The following CSF1R variants were observed in gnomAD, a reference collection of about 807,000 sequenced individuals.
CSF1R encodes colony stimulating factor 1 receptor, also known as macrophage colony-stimulating factor 1 receptor.
CSF1R carries 40 observed loss-of-function variants against 110.0 expected under a neutral mutation model. The observed-to-expected ratio is 0.36, with a 90% confidence interval of 0.28 to 0.47. CSF1R has a LOEUF of 0.47. CSF1R is among the 20% of genes least tolerant of loss of function. CSF1R has a pLI of 0.99. For missense variants in CSF1R, 1,052 were observed against 1,253.0 expected (o/e 0.84, Z 2.42); for synonymous variants, 523 against 503.4 (o/e 1.04, Z -0.52).
At chr5:150,094,924 T>C in intron 1 of CSF1R, 1 of 1,223,992 alleles carries the variant, frequency 8.2e-7, no homozygotes, top group Non-Finnish European at 1.2e-6. Context: ...AATAACTTCC[T>C]GTGGCCCTTC....
chr5:150,072,366 C>T (rs1758066268), intron 6 of CSF1R, among the ~76,000 whole-genome samples: 1 of 151,962 alleles, frequency 6.6e-6, no homozygotes, highest in African/African-American at 2.4e-5. Context: ...TGGTGGTGGG[C>T]ATCTGTAATC....
In CSF1R at chr5:150,070,181, C is replaced by T. The variant is rs1226152837; in HGVS notation, c.1319+1G>A. 6.2e-7 allele frequency: 1 copy of T among 1,613,630 alleles called. No homozygotes were observed. The highest frequency in any genetic ancestry group is 1.7e-5 in the Admixed American group (1 of 59,982). Reference sequence around the variant, plus strand: ...GAGGGAGGTGAGTGGAGCCCACTTACCTATCAGTGTGGCCACTGCACTGCA... The same window carrying T: ...GAGGGAGGTGAGTGGAGCCCACTTATCTATCAGTGTGGCCACTGCACTGCA... On this transcript the variant is annotated splice_donor_variant, in intron 8 of 20. Coordinates refer to ENST00000675795, the MANE Select transcript of CSF1R (RefSeq NM_001288705.3). LOFTEE classifies it high-confidence loss of function.
intron 2 of CSF1R, 69 bp from the exon 3 acceptor site, chr5:150,080,405 G>A: frequency 6.4e-7 from 1 of 1,552,702 alleles, no homozygotes. Context: ...CCTGGACATA[G>A]GTGACAAGGA....
At chr5:150,082,476 C>T (rs1262271440) in intron 1 of CSF1R, among the ~76,000 whole-genome samples, 1 of 152,242 alleles carries the variant, frequency 6.6e-6, no homozygotes, top group Non-Finnish European at 1.5e-5. Context: ...ACTGCCAAGC[C>T]TGCCACCTGG....
chr5:150,085,685 C>T (rs572864871), intron 1 of CSF1R, among the ~76,000 whole-genome samples: 13 of 152,010 alleles, frequency 8.6e-5, no homozygotes, highest in Admixed American at 7.9e-4. Context: ...TATTTCACCC[C>T]GAATTCCCCT....
At chr5:150,086,718 G>C (rs1021065706), upstream of CSF1R, 15 of 391,532 alleles carry the variant, frequency 3.8e-5, no homozygotes, top group South Asian at 1.5e-4. Context: ...CCTGAGCTTG[G>C]GGGGAGCTAG....
intron 1 of CSF1R, among the ~76,000 whole-genome samples, chr5:150,093,747 T>C (rs1196495139): frequency 2.6e-5 from 4 of 152,306 alleles, no homozygotes; most frequent in South Asian, 4.1e-4. Flanking sequence ...TATCAAAACA[T>C]CATATTGTAC....
chr5:150,056,593 G>A (rs1022459397), intron 16 of CSF1R, among the ~76,000 whole-genome samples: 1 of 152,124 alleles, frequency 6.6e-6, no homozygotes, highest in African/African-American at 2.4e-5. Flanking sequence ...CTCACCCTTT[G>A]TCCTCTGACT....
At chr5:150,063,208 C>T (rs1166003994) in intron 10 of CSF1R, among the ~76,000 whole-genome samples, 2 of 152,082 alleles carry the variant, frequency 1.3e-5, no homozygotes, top group Non-Finnish European at 2.9e-5. Flanking sequence ...GGGGCTTTGT[C>T]GCAGCCTAGG....
rs560352241 is a variant in CSF1R, at chr5:150,057,348, C to T, written c.2258G>A (p.Arg753Gln). The T allele has an allele frequency of 1.9e-4, 307 of 1,614,056 alleles. 3 individuals carry two copies. In the South Asian group the frequency reaches 3.0e-3, roughly 16 times the overall value. The change falls in exon 16 of 21, where the codon CGG becomes CAG. Residue 753 changes from arginine (R) to glutamine (Q), a missense_variant. Physicochemically the swap from Arg to Gln is conservative, Grantham distance 43. Around this residue, in one of 5 missense-constraint regions of CSF1R, gnomAD observed 124 missense variants for 117.7 expected, o/e 1.05. Transcript: ENST00000675795. ...DKEDGRPLEL[R>Q]DLLHFSSQVA... ...TTGGCTGGAGAAGTGAAGCAGGTCC[C>T]GGAGCTCCAGGGGCCGTCCATCCTC...
In CSF1R at chr5:150,104,856, C is replaced by T. The variant is rs1759499190; in HGVS notation, c.-181+8405G>A. The stretch of plus-strand genomic sequence containing the variant: ...TCCTGGAAAAAATGGCATTTAGAGG[C>T]CTAATCCTTACTCTTTTGTTCATTT... On this transcript the variant is annotated intron_variant, in intron 1 of 21. Coordinates refer to the CSF1R transcript ENST00000286301. Among the ~76,000 whole-genome samples the T allele has an allele frequency of 2.0e-5, 3 of 152,018 alleles. No homozygotes were observed. The South Asian group carries it at 6.2e-4, about 32-fold the overall frequency.
intron 1 of CSF1R, among the ~76,000 whole-genome samples, chr5:150,097,737 A>C (rs1327458846): frequency 6.6e-6 from 1 of 152,226 alleles, no homozygotes; most frequent in African/African-American, 2.4e-5. Flanking sequence ...CAAAACACTG[A>C]GAAAAGAAAA....
intron 5 of CSF1R, chr5:150,076,903 C>T (rs1407203291): frequency 3.1e-6 from 1 of 317,520 alleles, no homozygotes; most frequent in East Asian, 7.8e-5. Flanking sequence ...CCCAGGACAC[C>T]TTGTGCTTCC....
chr5:150,053,723 G>A lies in CSF1R; in HGVS notation c.*346C>T, dbSNP rs916331970. On this transcript the variant is annotated 3_prime_UTR_variant, in exon 21 of 21. Transcript: ENST00000675795. ...TCTCAGTATCAGTGTAGCTCCTGGG[G>A]ACTTCATAGGCATAAAGTCAGTCCA... 2 of 403,678 alleles carry A rather than the reference G, an allele frequency of 5.0e-6. No homozygotes were observed. The highest frequency in any genetic ancestry group is 9.1e-6 in the Non-Finnish European group (2 of 219,230). The allele number at this position is 403,678 out of a possible 1,614,324, so 25.0% of individuals were successfully genotyped here. A position where few individuals can be genotyped will look rare whatever the true frequency, so the allele number is the denominator to read the frequency against.
At chr5:150,111,605 G>A (rs1051642301) in intron 1 of CSF1R, among the ~76,000 whole-genome samples, 1 of 152,142 alleles carries the variant, frequency 6.6e-6, no homozygotes, top group Non-Finnish European at 1.5e-5. Flanking sequence ...GAGTTTTGTC[G>A]CAGGCTTCCC....
At chr5:150,112,754 C>T (rs1336822935) in intron 1 of CSF1R, among the ~76,000 whole-genome samples, 1 of 152,206 alleles carries the variant, frequency 6.6e-6, no homozygotes, top group Non-Finnish European at 1.5e-5. Context: ...CCTGGTGTGG[C>T]TCAGCTGCCC....
At chr5:150,110,258 AG>A (rs1759678156) in intron 1 of CSF1R, among the ~76,000 whole-genome samples, 4 of 152,168 alleles carry the variant, frequency 2.6e-5, no homozygotes, top group Admixed American at 2.0e-4. Context: ...CCTAGCCAAT[AG>A]GGGAACAATG....
In CSF1R at chr5:150,070,172, G is replaced by C. The variant is rs770703892; in HGVS notation, c.1319+10C>G. ...AGCCCAGGTGAGGGAGGTGAGTGGAGCCCACTTACCTATCAGTGTGGCCAC... is the reference window on the plus strand; with the variant it reads ...AGCCCAGGTGAGGGAGGTGAGTGGACCCCACTTACCTATCAGTGTGGCCAC... On this transcript the variant is annotated intron_variant, in intron 8 of 20. Coordinates refer to ENST00000675795, the MANE Select transcript of CSF1R (RefSeq NM_001288705.3). 3.7e-6 allele frequency: 6 copies of C among 1,612,984 alleles called. No individual in the cohort carries two copies. In the East Asian group the frequency reaches 1.3e-4, roughly 36 times the overall value.
rs77168951 is a variant in CSF1R, at chr5:150,073,957, G to C, written c.890-464C>G. Among the ~76,000 whole-genome samples, 1,172 of 152,270 alleles carry C rather than the reference G, an allele frequency of 7.7e-3. 18 individuals carry two copies. Among genetic ancestry groups the C allele is most frequent in the African/African-American group, 0.027 (1,117 of 41,540 alleles). On this transcript the variant is annotated intron_variant, in intron 5 of 20. Transcript: ENST00000675795. Reference sequence around the variant, plus strand: ...CCAGGCCAACCAGTGAGGGTACTCTGTCCCCTCTGGCCCGGTGATTGGTTT... The same window carrying C: ...CCAGGCCAACCAGTGAGGGTACTCTCTCCCCTCTGGCCCGGTGATTGGTTT...
Sources: allele counts gnomAD v4.1 joint callset (sites outside exome capture counted in the v4.1 genomes callset), GRCh38; gene constraint gnomAD v4.1.1; regional missense constraint gnomAD v4.1.1; transcripts MANE v1.5; gene names NCBI Gene and HGNC (gene_info 2026-07-23, HGNC 2026-07-21).